Variants in RIMS2 observed in about 807,000 individuals in gnomAD.
The protein encoded by RIMS2 is regulating synaptic membrane exocytosis protein 2.
A neutral mutation model predicts 174.4 loss-of-function variants in RIMS2; 59 were observed. The ratio of observed to expected loss-of-function variants is 0.34; its 90% CI spans 0.27 to 0.42. The LOEUF (loss-of-function observed/expected upper bound fraction) is 0.42. Among genes scored for constraint, RIMS2 ranks in the 10% least tolerant of loss-of-function variants. The pLI is 1.00. For missense variants in RIMS2, 1,620 were observed against 1,666.3 expected (o/e 0.97, Z 0.48); for synonymous variants, 606 against 572.5 (o/e 1.06, Z -0.84).
intron 1 of RIMS2, among the ~76,000 whole-genome samples, chr8:103,553,489 C>G (rs1479450957): frequency 6.6e-6 from 1 of 151,970 alleles, no homozygotes; most frequent in Non-Finnish European, 1.5e-5. Flanking sequence ...GGAGATATAC[C>G]TAATGTAAAT....
At chr8:103,595,224 A>G (rs1031766945) in intron 1 of RIMS2, among the ~76,000 whole-genome samples, 1 of 151,792 alleles carries the variant, frequency 6.6e-6, no homozygotes, top group African/African-American at 2.4e-5. Context: ...TTTTAATATT[A>G]ATATCTATTT....
In RIMS2 at chr8:104,227,226, T is replaced by C. The variant is rs1389754994; in HGVS notation, c.3335-17690T>C. The stretch of plus-strand genomic sequence containing the variant: ...ACTTGGAGCTCTTTTTTTTTTTTTT[T>C]GCATCCTTTTCCCTGGGTGTATTCC... On this transcript the variant is annotated intron_variant, in intron 19 of 23. Coordinates refer to ENST00000504942, the Ensembl canonical transcript of RIMS2. Among the ~76,000 whole-genome samples the C allele has an allele frequency of 1.5e-4, 22 of 150,520 alleles. 1 individual carries two copies. Among genetic ancestry groups the C allele is most frequent in the African/African-American group, 5.4e-4 (22 of 41,082 alleles).
intron 6 of RIMS2, among the ~76,000 whole-genome samples, chr8:103,914,766 C>T (rs938785554): frequency 1.3e-5 from 2 of 152,096 alleles, no homozygotes; most frequent in African/African-American, 2.4e-5. Context: ...ATTTGCTTCA[C>T]TTGCCATCAA....
chr8:104,230,046 G>T (rs2099216092), intron 19 of RIMS2, among the ~76,000 whole-genome samples: 2 of 152,236 alleles, frequency 1.3e-5, no homozygotes, highest in Non-Finnish European at 2.9e-5. Flanking sequence ...TTGGGAGGCT[G>T]AGGTGGGCGG....
At chr8:103,787,151 G>C (rs1401946201) in intron 3 of RIMS2, among the ~76,000 whole-genome samples, 1 of 144,016 alleles carries the variant, frequency 6.9e-6, no homozygotes, top group Non-Finnish European at 1.5e-5. Context: ...CTTTTATTTT[G>C]AGCCTATGTG....
intron 19 of RIMS2, among the ~76,000 whole-genome samples, chr8:104,139,483 G>T (rs72685015): frequency 0.037 from 5,575 of 151,960 alleles, 138 homozygotes; most frequent in Middle Eastern, 0.14. Context: ...TCACTTCTTT[G>T]GTTAAGTTTA....
At chr8:103,506,764 C>T (rs547266026) in intron 1 of RIMS2, among the ~76,000 whole-genome samples, 1 of 152,044 alleles carries the variant, frequency 6.6e-6, no homozygotes, top group Non-Finnish European at 1.5e-5. Flanking sequence ...GGCTTTTAAG[C>T]GACTTCATTA....
chr8:103,975,473 G>A, exon 16 of RIMS2: 1 of 1,613,420 alleles, frequency 6.2e-7, no homozygotes, highest in South Asian at 1.1e-5. Context: ...GGAAGGACTA[G>A]ATCATGGTCA....
intron 1 of RIMS2, among the ~76,000 whole-genome samples, chr8:103,587,463 A>G (rs751930964): frequency 1.9e-5 from 2 of 102,912 alleles, no homozygotes; most frequent in Non-Finnish European, 4.2e-5. Context: ...AAAGAAAGAA[A>G]GAAAGAAACT....
chr8:103,652,790 C>A, intron 1 of RIMS2, 80 bp downstream of exon 3: 1 of 848,650 alleles, frequency 1.2e-6, no homozygotes, highest in Non-Finnish European at 1.7e-6. Flanking sequence ...AAATACTGTC[C>A]TTGAAATAGT....
chr8:103,921,904 C>G, intron 10 of RIMS2, 120 bp downstream of exon 13: 1 of 443,876 alleles, frequency 2.3e-6, no homozygotes, highest in East Asian at 3.6e-5. Flanking sequence ...TAACCTCCCA[C>G]TTTCTCATTC....
chr8:103,503,258 CATA>C (rs1207282867), intron 1 of RIMS2, among the ~76,000 whole-genome samples: 2 of 151,722 alleles, frequency 1.3e-5, no homozygotes, highest in African/African-American at 4.8e-5. Flanking sequence ...GAGGTTAAAG[CATA>C]ATATATTTGG....
Position 104,173,978 on chromosome 8 carries a change from C to A in RIMS2, c.3335-70938C>A, listed in dbSNP as rs544536594. Among the ~76,000 whole-genome samples, 38 of 148,844 alleles carry A rather than the reference C, an allele frequency of 2.6e-4. No individual in the cohort carries two copies. The South Asian group carries it at 7.3e-3, about 29-fold the overall frequency. ...ATTTATTTATGTAGAGACAGAGTTTCTCTCGTCACCCAGGCTGGAGAGCAA... is the reference window on the plus strand; with the variant it reads ...ATTTATTTATGTAGAGACAGAGTTTATCTCGTCACCCAGGCTGGAGAGCAA... On this transcript the variant is annotated intron_variant, in intron 19 of 23. Coordinates refer to ENST00000504942, the Ensembl canonical transcript of RIMS2.
intron 1 of RIMS2, among the ~76,000 whole-genome samples, chr8:103,514,041 T>C (rs1586568956): frequency 6.6e-6 from 1 of 151,960 alleles, no homozygotes; most frequent in Non-Finnish European, 1.5e-5. Context: ...TTAACTGGAT[T>C]CCTTCTCTGA....
intron 3 of RIMS2, among the ~76,000 whole-genome samples, chr8:103,856,159 A>C (rs539499021): frequency 6.6e-6 from 1 of 152,148 alleles, no homozygotes; most frequent in Non-Finnish European, 1.5e-5. Flanking sequence ...TTTAAAATCT[A>C]TGTTATCTGA....
Position 103,870,383 on chromosome 8 carries a change from C to A in RIMS2, c.699-14915C>A, listed in dbSNP as rs914850272. The stretch of plus-strand genomic sequence containing the variant: ...CCACCATCACCACCACCACCACCAG[C>A]ACCACCACCACCACCACTACACCAC... On this transcript the variant is annotated intron_variant, in intron 3 of 23. Coordinates refer to ENST00000504942, the Ensembl canonical transcript of RIMS2. Among the ~76,000 whole-genome samples, 11 of 151,114 alleles carry A rather than the reference C, an allele frequency of 7.3e-5. No individual in the cohort carries two copies. In the East Asian group the frequency reaches 2.1e-3, roughly 29 times the overall value.
At chr8:103,911,681 A>AAAC (rs2075702531) in intron 5 of RIMS2, among the ~76,000 whole-genome samples, 1 of 152,230 alleles carries the variant, frequency 6.6e-6, no homozygotes, top group Non-Finnish European at 1.5e-5. Context: ...TCACTTGCGT[A>AAAC]GAATTTCAAT....
chr8:103,653,795 T>C (rs1398542968), intron 1 of RIMS2, among the ~76,000 whole-genome samples: 1 of 152,098 alleles, frequency 6.6e-6, no homozygotes, highest in Non-Finnish European at 1.5e-5. Context: ...CTCTTCCTAA[T>C]AGTTAATATG....
chr8:104,110,191 A>T lies in RIMS2; in HGVS notation c.3334+95576A>T, dbSNP rs532732969. Among the ~76,000 whole-genome samples the T allele has an allele frequency of 1.2e-3, 181 of 152,296 alleles. 1 individual carries two copies. Among genetic ancestry groups the T allele is most frequent in the African/African-American group, 3.9e-3 (161 of 41,580 alleles). On this transcript the variant is annotated intron_variant, in intron 19 of 23. Coordinates refer to ENST00000504942, the Ensembl canonical transcript of RIMS2. ...ATTGATGGAAAACTGATGTTATAAG[A>T]GGTGATCTAAATTGCCCAGTATTAC...
Sources: allele counts gnomAD v4.1 joint callset (sites outside exome capture counted in the v4.1 genomes callset), GRCh38; gene constraint gnomAD v4.1.1; transcripts MANE v1.5; gene names NCBI Gene and HGNC (gene_info 2026-07-23, HGNC 2026-07-21).